Variants in FARP2 observed in about 807,000 individuals in gnomAD.
FARP2 encodes the protein FERM, ARHGEF and pleckstrin domain-containing protein 2.
FARP2 carries 111 observed loss-of-function variants against 130.5 expected under a neutral mutation model. The observed-to-expected ratio is 0.85, with a 90% confidence interval of 0.73 to 1.00. The LOEUF (loss-of-function observed/expected upper bound fraction) is 1.00. Among genes scored for constraint, FARP2 ranks in the 50% least tolerant of loss-of-function variants. The pLI is 0.00. For synonymous variants in FARP2, 504 were observed against 516.9 expected (o/e 0.98, Z 0.34); for missense variants, 1,385 against 1,346.3 (o/e 1.03, Z -0.45).
intron 13 of FARP2, among the ~76,000 whole-genome samples, chr2:241,455,519 T>A (rs1256876611): frequency 6.6e-6 from 1 of 152,072 alleles, no homozygotes; most frequent in African/African-American, 2.4e-5. Flanking sequence ...TATCTGGGAT[T>A]ACAGGCACCC....
At chr2:241,481,510 C>T (rs1416704574) in intron 19 of FARP2, among the ~76,000 whole-genome samples, 2 of 152,172 alleles carry the variant, frequency 1.3e-5, no homozygotes, top group Non-Finnish European at 2.9e-5. Flanking sequence ...AATGAATTAG[C>T]CTGTAATATA....
chr2:241,456,657 T>C (rs578097918), intron 13 of FARP2, 90 bp from the exon 14 acceptor site: 13 of 1,308,530 alleles, frequency 9.9e-6, no homozygotes, highest in Non-Finnish European at 1.4e-5. Flanking sequence ...AGGCTGGCGG[T>C]TGAATGGTCA....
In FARP2 at chr2:241,436,547, C is replaced by T; in HGVS notation, c.1158+9C>T. On this transcript the variant is annotated intron_variant, in intron 12 of 26. Coordinates refer to ENST00000264042, the MANE Select transcript of FARP2 (RefSeq NM_014808.4). ...CAGACCTACCAAAACAGGTTAGTCTCTTCCGGTTCAACATGGGGGCAGTAG... is the reference window on the plus strand; with the variant it reads ...CAGACCTACCAAAACAGGTTAGTCTTTTCCGGTTCAACATGGGGGCAGTAG... The T allele has an allele frequency of 1.2e-6, 2 of 1,613,416 alleles. No individual in the cohort carries two copies. The highest frequency in any genetic ancestry group is 1.7e-6 in the Non-Finnish European group (2 of 1,179,300).
intron 1 of FARP2, among the ~76,000 whole-genome samples, chr2:241,361,973 C>G (rs998573679): frequency 6.6e-6 from 1 of 151,908 alleles, no homozygotes; most frequent in Non-Finnish European, 1.5e-5. Context: ...TGGCTCACTG[C>G]AACCTCCGCC....
intron 8 of FARP2, among the ~76,000 whole-genome samples, chr2:241,431,455 A>G (rs920005315): frequency 2.6e-5 from 4 of 152,202 alleles, no homozygotes; most frequent in African/African-American, 9.7e-5. Flanking sequence ...TAGCCTGGGC[A>G]ACAGAGCAAG....
chr2:241,491,239 G>A lies in FARP2; in HGVS notation c.2623+60G>A, dbSNP rs1308917009. 5 of 1,275,300 alleles carry A rather than the reference G, an allele frequency of 3.9e-6. No individual in the cohort carries two copies. The South Asian group carries it at 4.8e-5, about 12-fold the overall frequency. The allele number at this position is 1,275,300 out of a possible 1,614,324, so 79.0% of individuals were successfully genotyped here. ...ACTACACCTAAGGAGGCTTTTTTTG[G>A]AAACTGTTTTCCTTGGTCCCCATTG... On this transcript the variant is annotated intron_variant, in intron 23 of 26. Transcript: ENST00000264042.
At chr2:241,418,362 C>T (rs2062729016) in intron 8 of FARP2, among the ~76,000 whole-genome samples, 1 of 152,168 alleles carries the variant, frequency 6.6e-6, no homozygotes, top group Admixed American at 6.5e-5. Context: ...TGCCTCCCGC[C>T]TCCTTGGATT....
chr2:241,484,111 T>C (rs2064694142), intron 20 of FARP2, 131 bp from the exon 21 acceptor site: 1 of 1,463,074 alleles, frequency 6.8e-7, no homozygotes, highest in Non-Finnish European at 9.1e-7. Context: ...AAAAGTCCCC[T>C]TTCTGCCAAA....
chr2:241,377,220 G>A (rs1048734753), intron 2 of FARP2, among the ~76,000 whole-genome samples: 1 of 152,116 alleles, frequency 6.6e-6, no homozygotes, highest in Non-Finnish European at 1.5e-5. Context: ...TATTCTCATG[G>A]CCAGAAAACA....
intron 1 of FARP2, among the ~76,000 whole-genome samples, chr2:241,364,783 T>C (rs1284238827): frequency 6.6e-6 from 1 of 152,240 alleles, no homozygotes; most frequent in East Asian, 1.9e-4. Flanking sequence ...ATACTTTTCA[T>C]TTTTTCTTGA....
chr2:241,364,831 C>T (rs1222150570), intron 1 of FARP2, among the ~76,000 whole-genome samples: 1 of 152,080 alleles, frequency 6.6e-6, no homozygotes, highest in African/African-American at 2.4e-5. Flanking sequence ...TATATCTTTT[C>T]TGCTCTACAT....
At position 241,468,208 on chromosome 2, in the gene FARP2, T is replaced by G; in HGVS notation, c.1962T>G (p.Cys654Trp). Residue 654 changes from cysteine (C) to tryptophan (W), a missense_variant, in exon 18 of 27, where the codon TGT becomes TGG. By Grantham distance (215) the Cys-to-Trp change is radical. Coordinates refer to ENST00000264042, the MANE Select transcript of FARP2 (RefSeq NM_014808.4). ...AACTGGAAAAGGCTACCAAACGCTG[T>G]AAGAAGTTGGAGGCAGTGTACAAGG... ...LTELEKATKR[C>W]KKLEAVYKEF... The G allele has an allele frequency of 6.2e-7, 1 of 1,614,136 alleles. No individual in the cohort carries two copies. Among genetic ancestry groups the G allele is most frequent in the Non-Finnish European group, 8.5e-7 (1 of 1,180,002 alleles).
chr2:241,448,219 A>T (rs1297172371), intron 13 of FARP2, among the ~76,000 whole-genome samples: 1 of 151,948 alleles, frequency 6.6e-6, no homozygotes, highest in Non-Finnish European at 1.5e-5. Context: ...CTGCTCCCTG[A>T]CCATCACCCT....
chr2:241,363,513 G>A (rs1030827042), intron 1 of FARP2, among the ~76,000 whole-genome samples: 2 of 152,224 alleles, frequency 1.3e-5, no homozygotes, highest in African/African-American at 4.8e-5. Flanking sequence ...GAATTGCTCA[G>A]GAAAGTGACC....
intron 2 of FARP2, among the ~76,000 whole-genome samples, chr2:241,392,867 C>T (rs1360874224): frequency 4.6e-5 from 7 of 150,958 alleles, no homozygotes; most frequent in African/African-American, 1.5e-4. Flanking sequence ...CACTTGAACC[C>T]GGGAGGCAGA....
Position 241,417,998 on chromosome 2 carries a change from C to A in FARP2, c.660C>A (p.Leu220=). 6.2e-7 allele frequency: 1 copy of A among 1,614,042 alleles called. No individual in the cohort carries two copies. The highest frequency in any genetic ancestry group is 8.5e-7 in the Non-Finnish European group (1 of 1,180,014). ...CTGCTGAGTCGGATTTCCAGGTGCT[C>A]GAAATTGCTCGAAAGTTGGAAATGT... ...QTPAESDFQV[L]EIARKLEMYG... Residue 220 remains leucine (L), a synonymous_variant, in exon 8 of 27, where the codon CTC becomes CTA. Transcript: ENST00000264042.
chr2:241,421,434 G>T (rs1186019146), intron 8 of FARP2, among the ~76,000 whole-genome samples: 4 of 152,214 alleles, frequency 2.6e-5, no homozygotes, highest in Non-Finnish European at 5.9e-5. Context: ...CACTGGCTTG[G>T]AATTCTAGCC....
chr2:241,483,446 C>A lies in FARP2; in HGVS notation c.2263-19C>A. 1.2e-6 allele frequency: 2 copies of A among 1,611,746 alleles called. No individual in the cohort carries two copies. The highest frequency in any genetic ancestry group is 1.7e-6 in the Non-Finnish European group (2 of 1,177,768). ...CTGCCCTCAGCCCGCTGAAAGGGGA[C>A]TCTGTCTCTGTCTTTCAGGAGTTCA... On this transcript the variant is annotated intron_variant, in intron 19 of 26. Transcript: ENST00000264042.
intron 8 of FARP2, among the ~76,000 whole-genome samples, chr2:241,429,351 C>T (rs917982953): frequency 6.6e-6 from 1 of 152,156 alleles, no homozygotes; most frequent in Non-Finnish European, 1.5e-5. Context: ...TTCCTCCTTT[C>T]CTTGGTTTTC....
Sources: gnomAD v4.1 joint callset for allele counts (sites outside exome capture counted in the v4.1 genomes callset) on GRCh38, gnomAD v4.1.1 for gene constraint, MANE v1.5 for transcripts, NCBI Gene and HGNC (gene_info 2026-07-23, HGNC 2026-07-21) for gene names.